The following PLPP4 variants were observed in gnomAD, a reference collection of about 807,000 sequenced individuals.
PLPP4 encodes diacylglycerol pyrophosphate like 2.
PLPP4 carries 20 observed loss-of-function variants against 32.2 expected under a neutral mutation model. That is an observed-to-expected ratio of 0.62 (90% CI 0.44 to 0.90). PLPP4 has a LOEUF of 0.90. PLPP4 is among the 40% of genes least tolerant of loss of function. PLPP4 has a pLI of 0.00. For missense variants in PLPP4, 257 were observed against 353.1 expected (o/e 0.73, Z 2.18); for synonymous variants, 127 against 133.0 (o/e 0.95, Z 0.31).
intron 5 of PLPP4, among the ~76,000 whole-genome samples, chr10:120,539,246 C>T (rs1167470345): frequency 1.3e-5 from 2 of 152,166 alleles, no homozygotes; most frequent in Non-Finnish European, 2.9e-5. Flanking sequence ...CCCCTAGAGC[C>T]ACTGCTGTTA....
chr10:120,459,846 GTAGCCC>G (rs575923971), intron 1 of PLPP4, among the ~76,000 whole-genome samples: 21 of 152,286 alleles, frequency 1.4e-4, no homozygotes, highest in African/African-American at 3.1e-4. Context: ...CCTGTTACCC[GTAGCCC>G]ATATGCTCCT....
At chr10:120,516,054 A>G (rs1020753130) in intron 3 of PLPP4, among the ~76,000 whole-genome samples, 31 of 152,158 alleles carry the variant, frequency 2.0e-4, no homozygotes, top group African/African-American at 7.2e-4. Flanking sequence ...GAATTATTGG[A>G]TGTTCTGTTT....
intron 1 of PLPP4, among the ~76,000 whole-genome samples, chr10:120,503,356 C>T (rs1845352047): frequency 6.6e-6 from 1 of 152,352 alleles, no homozygotes. Context: ...TTTCTTCCCC[C>T]CAGTTTTTCT....
In PLPP4 at chr10:120,591,139, T is replaced by C. The variant is rs1348923487; in HGVS notation, c.*1637T>C. 2.0e-5 allele frequency among the ~76,000 whole-genome samples: 3 copies of C among 152,162 alleles called. No individual in the cohort carries two copies. The highest frequency in any genetic ancestry group is 2.0e-4 in the Admixed American group (3 of 15,278). ...GAGACTCAGGTGGCTGCCTAAATGG[T>C]CAGCTTATCAGCCCTGGGCTGCGTG... On this transcript the variant is annotated 3_prime_UTR_variant, in exon 7 of 7. Transcript: ENST00000398250.
At chr10:120,466,128 G>A (rs1031376676) in intron 1 of PLPP4, among the ~76,000 whole-genome samples, 5 of 152,058 alleles carry the variant, frequency 3.3e-5, no homozygotes, top group African/African-American at 9.7e-5. Flanking sequence ...GCAATATTTA[G>A]CCTGTATGAT....
intron 5 of PLPP4, among the ~76,000 whole-genome samples, chr10:120,531,895 C>CACACATAT (rs3066602): frequency 2.1e-5 from 3 of 140,370 alleles, no homozygotes; most frequent in African/African-American, 7.9e-5. Context: ...CACACACACA[C>CACACATAT]ATATATATAT....
At chr10:120,506,222 T>G (rs1011909488) in intron 2 of PLPP4, among the ~76,000 whole-genome samples, 2 of 152,202 alleles carry the variant, frequency 1.3e-5, no homozygotes, top group African/African-American at 4.8e-5. Context: ...TTAATAGCAG[T>G]TGATAAATTT....
intron 1 of PLPP4, among the ~76,000 whole-genome samples, chr10:120,483,648 T>A (rs1182623560): frequency 6.6e-6 from 1 of 152,204 alleles, no homozygotes; most frequent in Non-Finnish European, 1.5e-5. Flanking sequence ...AGGCAGAGCC[T>A]AATGGAAGGT....
At chr10:120,575,454 A>C (rs188700974) in intron 6 of PLPP4, among the ~76,000 whole-genome samples, 153 bp downstream of exon 6, 4 of 152,210 alleles carry the variant, frequency 2.6e-5, no homozygotes, top group Non-Finnish European at 4.4e-5. Context: ...ATTTTGAAGC[A>C]AATATGCTGG....
At chr10:120,462,687 G>A (rs1029917595) in intron 1 of PLPP4, among the ~76,000 whole-genome samples, 7 of 152,204 alleles carry the variant, frequency 4.6e-5, no homozygotes, top group Non-Finnish European at 7.3e-5. Flanking sequence ...GAACACCTGC[G>A]TCAGGATTAC....
chr10:120,540,859 G>A (rs1294478824), intron 5 of PLPP4, among the ~76,000 whole-genome samples: 2 of 152,200 alleles, frequency 1.3e-5, no homozygotes, highest in Non-Finnish European at 2.9e-5. Flanking sequence ...GAGCATTTCT[G>A]AGCGGAACAC....
At chr10:120,510,100 A>G (rs1053819138) in intron 2 of PLPP4, among the ~76,000 whole-genome samples, 5 of 152,228 alleles carry the variant, frequency 3.3e-5, no homozygotes, top group African/African-American at 9.6e-5. Context: ...TGAGAAGTGA[A>G]TGAGTTAATT....
At chr10:120,502,530 C>A (rs1379082793) in intron 1 of PLPP4, among the ~76,000 whole-genome samples, 1 of 152,116 alleles carries the variant, frequency 6.6e-6, no homozygotes, top group East Asian at 1.9e-4. Flanking sequence ...CCTACAGTGG[C>A]CCAGCAGTGC....
intron 5 of PLPP4, among the ~76,000 whole-genome samples, chr10:120,533,630 C>G (rs1846850051): frequency 6.6e-6 from 1 of 152,046 alleles, no homozygotes. Context: ...GCTCTCTTGC[C>G]TCCTCCCTAT....
intron 1 of PLPP4, among the ~76,000 whole-genome samples, chr10:120,477,129 T>C (rs569629923): frequency 6.6e-6 from 1 of 152,082 alleles, no homozygotes; most frequent in Non-Finnish European, 1.5e-5. Context: ...ATCAAGAGGC[T>C]CGGACGAAGC....
intron 5 of PLPP4, among the ~76,000 whole-genome samples, chr10:120,543,028 T>G (rs1393680157): frequency 1.3e-5 from 2 of 152,220 alleles, no homozygotes; most frequent in Non-Finnish European, 2.9e-5. Flanking sequence ...GTGTGTAGCC[T>G]GACACCCATC....
At chr10:120,498,771 G>A (rs1845093259) in intron 1 of PLPP4, among the ~76,000 whole-genome samples, 1 of 150,902 alleles carries the variant, frequency 6.6e-6, no homozygotes, top group Non-Finnish European at 1.5e-5. Flanking sequence ...AGCAATTCTC[G>A]TACCTCAGTC....
intron 2 of PLPP4, among the ~76,000 whole-genome samples, chr10:120,508,581 G>T (rs55968831): frequency 0.088 from 13,428 of 152,172 alleles, 772 homozygotes; most frequent in South Asian, 0.17. Flanking sequence ...TCCCAGAAGC[G>T]CCCCGGCAGT....
chr10:120,498,457 G>A (rs574195028), intron 1 of PLPP4, among the ~76,000 whole-genome samples: 2 of 152,126 alleles, frequency 1.3e-5, no homozygotes, highest in East Asian at 3.8e-4. Context: ...CTTGTAATCT[G>A]TTAGAGTTCC....
Sources: gnomAD v4.1 joint callset for allele counts (sites outside exome capture counted in the v4.1 genomes callset) on GRCh38, gnomAD v4.1.1 for gene constraint, MANE v1.5 for transcripts, NCBI Gene and HGNC (gene_info 2026-07-23, HGNC 2026-07-21) for gene names.